Variants in RYR2 observed in about 807,000 individuals in gnomAD.
RYR2 encodes the protein ryanodine receptor 2.
A neutral mutation model predicts 601.1 loss-of-function variants in RYR2; 227 were observed. The observed-to-expected ratio is 0.38, with a 90% CI of 0.34 to 0.42. RYR2 has a LOEUF of 0.42. Ranked by LOEUF, RYR2 falls within the 10% of genes least tolerant of loss-of-function variation. The pLI is 1.00. For synonymous variants in RYR2, 2,223 were observed against 2,175.1 expected, an observed-to-expected ratio of 1.02 and a Z score of -0.61; for missense variants, 4,646 against 6,156.5, an observed-to-expected ratio of 0.75 and a Z score of 8.21.
chr1:237,309,701 T>C (rs1694317677), intron 2 of RYR2, among the ~76,000 whole-genome samples: 1 of 152,080 alleles, frequency 6.6e-6, no homozygotes, highest in African/African-American at 2.4e-5. Flanking sequence ...TCGGGGAGGC[T>C]CGGACACGCA....
At chr1:237,108,940 T>G (rs1202546301) in intron 1 of RYR2, among the ~76,000 whole-genome samples, 7 of 152,186 alleles carry the variant, frequency 4.6e-5, no homozygotes, top group Admixed American at 4.6e-4. Context: ...TAGTTTATTT[T>G]CATTGTGAGC....
rs993905374 is a variant in RYR2, at chr1:237,671,556, A to G, written c.8591-2540A>G. On this transcript the variant is annotated intron_variant, in intron 58 of 104. Transcript: ENST00000366574. ...GTGTGTGTGCGTGTGAGAGAGAGAG[A>G]AATAGAAATAAGAAGTCAGAAACAC... 2.6e-5 allele frequency among the ~76,000 whole-genome samples: 4 copies of G among 151,662 alleles called. No individual in the cohort carries two copies. In the East Asian group the frequency reaches 7.8e-4, roughly 29 times the overall value.
At chr1:237,344,743 T>C (rs1159360355) in intron 3 of RYR2, among the ~76,000 whole-genome samples, 3 of 152,340 alleles carry the variant, frequency 2.0e-5, no homozygotes, top group Non-Finnish European at 2.9e-5. Flanking sequence ...TTTTGTTCAA[T>C]GTCCATTCTT....
chr1:237,814,984 T>TG (rs1491434749), intron 100 of RYR2, among the ~76,000 whole-genome samples: 1 of 112,420 alleles, frequency 8.9e-6, no homozygotes, highest in Non-Finnish European at 1.9e-5. Flanking sequence ...TTTTTTTTTT[T>TG]GCCAAGATGA....
intron 1 of RYR2, among the ~76,000 whole-genome samples, chr1:237,232,086 T>C (rs1003247674): frequency 2.0e-5 from 3 of 152,210 alleles, no homozygotes; most frequent in African/African-American, 7.2e-5. Flanking sequence ...AATACATACT[T>C]GGTGTTCAAT....
intron 63 of RYR2, 89 bp downstream of exon 63, chr1:237,687,593 T>A (rs1573524003): frequency 1.0e-6 from 1 of 977,030 alleles, no homozygotes; most frequent in East Asian, 2.5e-5. Context: ...CTATGTTGCA[T>A]GGATGCATGT....
At chr1:237,645,941 G>GGA (rs1558132334) in intron 48 of RYR2, among the ~76,000 whole-genome samples, 20 of 149,778 alleles carry the variant, frequency 1.3e-4, no homozygotes, top group Admixed American at 3.3e-4. Flanking sequence ...CAGTGGCGCA[G>GGA]TCTTGGCTCA....
chr1:237,731,177 C>CT (rs1690644223), intron 77 of RYR2, among the ~76,000 whole-genome samples: 2 of 151,908 alleles, frequency 1.3e-5, no homozygotes, highest in Non-Finnish European at 2.9e-5. Flanking sequence ...TTGTGGAAAT[C>CT]TGCCCATTAT....
chr1:237,402,917 T>A (rs1485902474), intron 10 of RYR2, among the ~76,000 whole-genome samples: 1 of 141,344 alleles, frequency 7.1e-6, no homozygotes, highest in Non-Finnish European at 1.6e-5. Context: ...GTCTCCACCC[T>A]CCTTCCCCCC....
intron 29 of RYR2, among the ~76,000 whole-genome samples, chr1:237,586,912 T>G (rs1270725492): frequency 5.9e-5 from 9 of 151,960 alleles, no homozygotes; most frequent in South Asian, 2.1e-4. Context: ...TAAAGAAGGG[T>G]TTCACCATAT....
At chr1:237,511,142 A>G (rs960599688) in intron 23 of RYR2, among the ~76,000 whole-genome samples, 6 of 152,184 alleles carry the variant, frequency 3.9e-5, no homozygotes, top group African/African-American at 1.2e-4. Context: ...AAAACGTGTC[A>G]AGTGCCTAGG....
intron 10 of RYR2, among the ~76,000 whole-genome samples, chr1:237,407,829 G>T (rs1221675089): frequency 6.6e-6 from 1 of 152,008 alleles, no homozygotes; most frequent in African/African-American, 2.4e-5. Flanking sequence ...TGTTAGCCAG[G>T]ATGGTCTTGA....
chr1:237,565,118 T>C (rs1671845594), intron 27 of RYR2, among the ~76,000 whole-genome samples: 1 of 38,394 alleles, frequency 2.6e-5, no homozygotes. Context: ...TCTTTCTTTT[T>C]CTTTCTTTCT....
At chr1:237,160,241 A>C (rs1450897532) in intron 1 of RYR2, among the ~76,000 whole-genome samples, 2 of 152,254 alleles carry the variant, frequency 1.3e-5, no homozygotes, top group Non-Finnish European at 2.9e-5. Context: ...TAGGATCTGC[A>C]GGATACACAT....
intron 73 of RYR2, among the ~76,000 whole-genome samples, chr1:237,720,930 G>A (rs2149114734): frequency 6.6e-6 from 1 of 152,184 alleles, no homozygotes; most frequent in Non-Finnish European, 1.5e-5. Flanking sequence ...GAGCAAAAAA[G>A]GAAACATTGA....
intron 10 of RYR2, among the ~76,000 whole-genome samples, chr1:237,399,152 G>A (rs1246251422): frequency 6.6e-6 from 1 of 152,124 alleles, no homozygotes; most frequent in Non-Finnish European, 1.5e-5. Flanking sequence ...CTGAGATCAT[G>A]CCACTTCACT....
chr1:237,310,412 A>G (rs1474371419), intron 2 of RYR2, among the ~76,000 whole-genome samples: 2 of 152,226 alleles, frequency 1.3e-5, no homozygotes, highest in Non-Finnish European at 2.9e-5. Context: ...ACCTAAGCAG[A>G]TAGCTACAGA....
At chr1:237,306,137 ATACT>A (rs1459637168) in intron 2 of RYR2, among the ~76,000 whole-genome samples, 11 of 152,214 alleles carry the variant, frequency 7.2e-5, no homozygotes, top group Admixed American at 1.3e-4. Context: ...GAGAAAGAAA[ATACT>A]TACTAGGACT....
chr1:237,732,271 T>C (rs567059599), intron 78 of RYR2, 122 bp downstream of exon 78: 2 of 550,980 alleles, frequency 3.6e-6, no homozygotes, highest in South Asian at 7.6e-5. Flanking sequence ...GAGAGAATTG[T>C]TCAAAGATAA....
Sources: gnomAD v4.1 joint callset for allele counts (sites outside exome capture counted in the v4.1 genomes callset) on GRCh38, gnomAD v4.1.1 for gene constraint, MANE v1.5 for transcripts, NCBI Gene and HGNC (gene_info 2026-07-23, HGNC 2026-07-21) for gene names.